Variants in MEGF11 observed in about 807,000 individuals in gnomAD.
MEGF11 encodes multiple epidermal growth factor-like domains protein 11.
Under a neutral mutation model 146.6 loss-of-function variants are expected in MEGF11, and 126 were observed. The ratio of observed to expected loss-of-function variants is 0.86; its 90% confidence interval spans 0.74 to 1.00. MEGF11 has a LOEUF of 1.00. Among genes scored for constraint, MEGF11 ranks in the 50% least tolerant of loss-of-function variants. The pLI is 0.00. For synonymous variants in MEGF11, 532 were observed against 583.4 expected (o/e 0.91, Z 1.27); for missense variants, 1,509 against 1,521.2 (o/e 0.99, Z 0.13).
In MEGF11 at chr15:65,916,845, C is replaced by T; in HGVS notation, c.2198G>A (p.Gly733Glu). The change falls in exon 17 of 26, where the codon GGA becomes GAA. Residue 733 changes from glycine to glutamate, a missense_variant. Physicochemically the swap from Gly to Glu is moderately conservative, Grantham distance 98. Coordinates refer to ENST00000395614, the MANE Select transcript of MEGF11 (RefSeq NM_001385028.1). The stretch of plus-strand genomic sequence containing the variant: ...GGGCTTACGCTGTGTGCAGAAGAGT[C>T]CAGTCCAGCCAGGGGTGCAGTGGCA... ...GACHCTPGWTGLFCTQRCPAA... is the reference protein window; with the variant it reads ...GACHCTPGWTELFCTQRCPAA... 1.9e-5 allele frequency: 31 copies of T among 1,604,790 alleles called. No homozygotes were observed. The highest frequency in any genetic ancestry group is 2.6e-5 in the Non-Finnish European group (31 of 1,174,060).
At chr15:65,941,540 C>T (rs1256962888) in intron 10 of MEGF11, among the ~76,000 whole-genome samples, 1 of 152,170 alleles carries the variant, frequency 6.6e-6, no homozygotes, top group Non-Finnish European at 1.5e-5. Context: ...CTGGCTGAGT[C>T]ATCCAGGGTG....
intron 4 of MEGF11, among the ~76,000 whole-genome samples, chr15:66,103,884 C>A (rs546695063): frequency 1.3e-5 from 2 of 152,184 alleles, no homozygotes; most frequent in Non-Finnish European, 2.9e-5. Context: ...CGTAGGGGCC[C>A]ATTCTTTTAA....
At chr15:65,971,233 A>G (rs1233441124) in intron 7 of MEGF11, 1 of 153,320 alleles carries the variant, frequency 6.5e-6, no homozygotes, top group Non-Finnish European at 1.5e-5. Context: ...TGGAGGAGTG[A>G]TAACTGCTTT....
intron 23 of MEGF11, among the ~76,000 whole-genome samples, chr15:65,908,662 C>A (rs977959049): frequency 1.3e-5 from 2 of 152,182 alleles, no homozygotes; most frequent in African/African-American, 4.8e-5. Context: ...AGAGCTAACT[C>A]CCTGTTATCC....
intron 5 of MEGF11, among the ~76,000 whole-genome samples, chr15:66,052,462 T>C (rs190730105): frequency 6.6e-6 from 1 of 152,280 alleles, no homozygotes; most frequent in Admixed American, 6.5e-5. Context: ...GGTTCTTGTC[T>C]CCAAATTCAC....
intron 1 of MEGF11, among the ~76,000 whole-genome samples, chr15:66,138,068 A>AT (rs993980642): frequency 1.8e-4 from 27 of 152,176 alleles, no homozygotes; most frequent in African/African-American, 5.5e-4. Context: ...ATCTTAAAAA[A>AT]TTTTTTTAAC....
intron 5 of MEGF11, among the ~76,000 whole-genome samples, chr15:66,087,163 A>G (rs772095824): frequency 1.6e-4 from 24 of 152,222 alleles, no homozygotes; most frequent in Non-Finnish European, 1.5e-4. Flanking sequence ...TGGAGCTCCC[A>G]AATTTATAAA....
intron 10 of MEGF11, among the ~76,000 whole-genome samples, chr15:65,937,091 T>G (rs1263100872): frequency 6.6e-6 from 1 of 152,130 alleles, no homozygotes; most frequent in Non-Finnish European, 1.5e-5. Context: ...GATGATCAAA[T>G]CCACTATGAG....
chr15:65,971,532 G>T (rs1172785634), intron 7 of MEGF11, among the ~76,000 whole-genome samples: 1 of 152,140 alleles, frequency 6.6e-6, no homozygotes, highest in Non-Finnish European at 1.5e-5. Context: ...AGATGAAGGT[G>T]GGGGTGGAAC....
intron 9 of MEGF11, among the ~76,000 whole-genome samples, chr15:65,961,395 T>TGCTATGAGATTTTCTTC (rs1567177741): frequency 6.6e-6 from 1 of 151,998 alleles, no homozygotes; most frequent in Non-Finnish European, 1.5e-5. Flanking sequence ...TGCCTTTCTT[T>TGCTATGAGATTTTCTTC]CAGCTGCTAT....
rs199745872 is a variant in MEGF11, at chr15:65,964,889, G to A, written c.1112+19C>T. ...CACCCCCCGCCCTTGTCCCGGGCTC[G>A]CCCATTCCCAGCTCATACCTGATGG... On this transcript the variant is annotated intron_variant, in intron 9 of 25. Coordinates refer to ENST00000395614, the MANE Select transcript of MEGF11 (RefSeq NM_001385028.1). 321 of 1,460,544 alleles carry A rather than the reference G, an allele frequency of 2.2e-4. 1 individual carries two copies. The African/African-American group carries it at 4.3e-3, about 19-fold the overall frequency. 90.5% of individuals were successfully genotyped at this position (1,460,544 alleles called of 1,614,324 possible).
intron 5 of MEGF11, among the ~76,000 whole-genome samples, chr15:66,081,486 C>G (rs1026088270): frequency 2.0e-5 from 3 of 152,206 alleles, no homozygotes; most frequent in African/African-American, 7.2e-5. Context: ...TCAAGCTATT[C>G]TCCTGCCTTA....
chr15:66,136,524 C>T (rs2088896438), intron 1 of MEGF11, among the ~76,000 whole-genome samples: 1 of 152,190 alleles, frequency 6.6e-6, no homozygotes, highest in African/African-American at 2.4e-5. Context: ...ACCTTCCCGA[C>T]CGACCTAGGC....
chr15:66,157,758 A>G (rs1040294820), intron 1 of MEGF11, among the ~76,000 whole-genome samples: 1 of 152,236 alleles, frequency 6.6e-6, no homozygotes, highest in African/African-American at 2.4e-5. Flanking sequence ...GACAAAGCTG[A>G]CAAGCCAAAG....
intron 1 of MEGF11, among the ~76,000 whole-genome samples, chr15:66,174,606 A>G (rs575484657): frequency 6.6e-6 from 1 of 151,776 alleles, no homozygotes; most frequent in Admixed American, 6.6e-5. Context: ...TAATCCTGGT[A>G]CTGCATTCTA....
chr15:66,206,828 G>A (rs3940877), intron 1 of MEGF11, among the ~76,000 whole-genome samples: 25,017 of 152,092 alleles, frequency 0.16, 2,567 homozygotes, highest in East Asian at 0.45. Context: ...GCTTGAATCC[G>A]GGAAGTGGAG....
chr15:66,031,531 T>A (rs1391487687), intron 5 of MEGF11, among the ~76,000 whole-genome samples: 1 of 152,148 alleles, frequency 6.6e-6, no homozygotes, highest in Non-Finnish European at 1.5e-5. Context: ...CCACTCCAAG[T>A]GAAGTACTGT....
intron 1 of MEGF11, among the ~76,000 whole-genome samples, chr15:66,149,172 GC>G (rs897633392): frequency 1.3e-5 from 2 of 152,146 alleles, no homozygotes; most frequent in Admixed American, 6.5e-5. Context: ...AGGCCCAGGC[GC>G]CCTGGAGATC....
At position 66,142,728 on chromosome 15, in the gene MEGF11, C is replaced by T. The variant is rs142738051; in HGVS notation, c.-8-14317G>A. Among the ~76,000 whole-genome samples, 83 of 152,286 alleles carry T rather than the reference C, an allele frequency of 5.5e-4. 1 individual carries two copies. Among genetic ancestry groups the T allele is most frequent in the African/African-American group, 1.9e-3 (81 of 41,560 alleles). ...AAAGCACAGAAGTGGGTCTCTTGCC[C>T]CAGGTGTGCCAGTAATCAGCTGTGT... On this transcript the variant is annotated intron_variant, in intron 1 of 25. Transcript: ENST00000395614.
Sources: gnomAD v4.1 joint callset for allele counts (sites outside exome capture counted in the v4.1 genomes callset) on GRCh38, gnomAD v4.1.1 for gene constraint, MANE v1.5 for transcripts, NCBI Gene and HGNC (gene_info 2026-07-23, HGNC 2026-07-21) for gene names.